The following HNF4G variants were observed in gnomAD, a reference collection of about 807,000 sequenced individuals.
The protein encoded by HNF4G is hepatocyte nuclear factor 4 gamma.
A neutral mutation model predicts 50.9 loss-of-function variants in HNF4G; 21 were observed. The ratio of observed to expected loss-of-function variants is 0.41; its 90% CI spans 0.29 to 0.59. The LOEUF is 0.59. Among genes scored for constraint, HNF4G ranks in the 20% least tolerant of loss-of-function variants. HNF4G has a pLI of 0.26. For synonymous variants in HNF4G, 198 were observed against 185.6 expected (o/e 1.07, Z -0.54); for missense variants, 527 against 559.4 (o/e 0.94, Z 0.58).
At chr8:75,560,966 T>C (rs1165890762) in intron 9 of HNF4G, among the ~76,000 whole-genome samples, 3 of 152,150 alleles carry the variant, frequency 2.0e-5, no homozygotes, top group Non-Finnish European at 2.9e-5. Context: ...ATTAGGAATA[T>C]TGACAATCGA....
intron 1 of HNF4G, 82 bp downstream of exon 1, chr8:75,540,162 G>T: frequency 1.2e-6 from 1 of 803,518 alleles, no homozygotes; most frequent in Non-Finnish European, 2.1e-6. Flanking sequence ...AAAGGTGGTG[G>T]CTCAATGTTT....
chr8:75,416,284 G>C (rs1741772463), intron 1 of HNF4G, among the ~76,000 whole-genome samples: 1 of 152,040 alleles, frequency 6.6e-6, no homozygotes, highest in Admixed American at 6.5e-5. Flanking sequence ...TCTGCATACG[G>C]CTGACATGCA....
At chr8:75,531,686 A>T (rs1806328663) in intron 2 of HNF4G, among the ~76,000 whole-genome samples, 1 of 152,116 alleles carries the variant, frequency 6.6e-6, no homozygotes, top group Admixed American at 6.5e-5. Flanking sequence ...AAAAATAATA[A>T]AATAATACAA....
At chr8:75,499,791 AC>A (rs1812875219) in intron 2 of HNF4G, among the ~76,000 whole-genome samples, 1 of 152,074 alleles carries the variant, frequency 6.6e-6, no homozygotes, top group South Asian at 2.1e-4. Context: ...CAAGTGAGAA[AC>A]AATAGTCTCT....
At chr8:75,533,645 A>G (rs1168986276) in intron 2 of HNF4G, among the ~76,000 whole-genome samples, 1 of 151,946 alleles carries the variant, frequency 6.6e-6, no homozygotes, top group Non-Finnish European at 1.5e-5. Flanking sequence ...TATTTTTGAG[A>G]AACCAACCAA....
rs1811162241 is a variant in HNF4G, at chr8:75,437,284, G to GC, written c.-144+29122_-144+29123insC. On this transcript the variant is annotated intron_variant, in intron 1 of 10. Coordinates refer to the HNF4G transcript ENST00000354370. ...CGCACGTATCTATAATTAGAGAAAA[G>GC]TAAGTTTAAACTGAAATTCTTGTGT... 2.0e-5 allele frequency among the ~76,000 whole-genome samples: 3 copies of GC among 152,184 alleles called. No individual in the cohort carries two copies. The East Asian group carries it at 5.8e-4, about 29-fold the overall frequency.
intron 2 of HNF4G, among the ~76,000 whole-genome samples, chr8:75,530,683 C>T (rs1235122070): frequency 1.3e-5 from 2 of 151,816 alleles, no homozygotes; most frequent in African/African-American, 4.8e-5. Flanking sequence ...AATTAGTGGT[C>T]CAGAAGGTGC....
At chr8:75,470,971 A>G (rs1169128227) in intron 1 of HNF4G, among the ~76,000 whole-genome samples, 3 of 152,146 alleles carry the variant, frequency 2.0e-5, no homozygotes, top group African/African-American at 7.2e-5. Flanking sequence ...TCACAACTGT[A>G]TGGCTTTTAA....
chr8:75,553,148 A>T lies in HNF4G; in HGVS notation c.596A>T (p.Glu199Val), dbSNP rs1048937632. The stretch of plus-strand genomic sequence containing the variant: ...AAACAGCAGCTCTTAGTCTTGGTGG[A>T]ATGGGCTAAATATATTCCTGCCTTC... ...SMKQQLLVLV[E>V]WAKYIPAFCE... Residue 199 changes from glutamate (E) to valine (V), a missense_variant, in exon 5 of 10, where the codon GAA (glutamate) becomes GTA (valine). Physicochemically the swap from Glu to Val is moderately radical, Grantham distance 121 (BLOSUM62 -2). Around this residue, in one of 5 missense-constraint regions of HNF4G, gnomAD observed 4 missense variants for 18.1 expected, o/e 0.22. Transcript: ENST00000396423. 7 of 1,613,052 alleles carry T rather than the reference A, an allele frequency of 4.3e-6. No individual in the cohort carries two copies. Among genetic ancestry groups the T allele is most frequent in the Non-Finnish European group, 5.9e-6 (7 of 1,179,368 alleles).
At chr8:75,483,408 A>G (rs1455956077) in intron 1 of HNF4G, among the ~76,000 whole-genome samples, 1 of 152,146 alleles carries the variant, frequency 6.6e-6, no homozygotes, top group Non-Finnish European at 1.5e-5. Flanking sequence ...AACATTAAGC[A>G]AGCAAAAGTG....
chr8:75,525,836 G>A (rs1375289184), intron 2 of HNF4G, among the ~76,000 whole-genome samples: 3 of 152,084 alleles, frequency 2.0e-5, no homozygotes, highest in Non-Finnish European at 4.4e-5. Flanking sequence ...GATTCCAAAG[G>A]AAAATTATAG....
At chr8:75,462,208 C>G (rs1286402613) in intron 1 of HNF4G, among the ~76,000 whole-genome samples, 2 of 152,078 alleles carry the variant, frequency 1.3e-5, no homozygotes, top group Non-Finnish European at 2.9e-5. Context: ...TGAGCCACTG[C>G]GACAGGCCTA....
chr8:75,451,995 T>A (rs1207001630), intron 1 of HNF4G, among the ~76,000 whole-genome samples: 1 of 152,102 alleles, frequency 6.6e-6, no homozygotes, highest in Non-Finnish European at 1.5e-5. Context: ...TTACTTCTGA[T>A]CCCATTCCAT....
At chr8:75,546,927 C>T (rs1264760839) in intron 2 of HNF4G, among the ~76,000 whole-genome samples, 1 of 152,126 alleles carries the variant, frequency 6.6e-6, no homozygotes, top group Non-Finnish European at 1.5e-5. Context: ...TTATGTTTAG[C>T]TTTTTAAGAC....
At chr8:75,562,550 C>G (rs920013768) in intron 9 of HNF4G, among the ~76,000 whole-genome samples, 21 of 152,078 alleles carry the variant, frequency 1.4e-4, no homozygotes, top group African/African-American at 5.1e-4. Context: ...TATTCATAAA[C>G]TCACAAAATA....
intron 2 of HNF4G, among the ~76,000 whole-genome samples, chr8:75,505,927 A>T (rs929712413): frequency 6.6e-6 from 1 of 151,852 alleles, no homozygotes; most frequent in Non-Finnish European, 1.5e-5. Context: ...CATTTTAATT[A>T]TTTTTTTTAA....
intron 1 of HNF4G, among the ~76,000 whole-genome samples, chr8:75,455,889 C>G (rs1013432100): frequency 6.6e-6 from 1 of 151,414 alleles, no homozygotes; most frequent in African/African-American, 2.4e-5. Context: ...CTCTGAATCA[C>G]AAAAAAAAGT....
At chr8:75,451,241 A>G (rs374554062) in intron 1 of HNF4G, among the ~76,000 whole-genome samples, 37 of 151,748 alleles carry the variant, frequency 2.4e-4, no homozygotes, top group African/African-American at 8.0e-4. Flanking sequence ...AGTTCCTTAC[A>G]TATTTTGTTG....
chr8:75,491,530 AGTGGTGC>A (rs1812629154), intron 2 of HNF4G, among the ~76,000 whole-genome samples: 1 of 151,164 alleles, frequency 6.6e-6, no homozygotes, highest in Non-Finnish European at 1.5e-5. Flanking sequence ...GCTGGAGTGT[AGTGGTGC>A]GATCTCCGCT....
Sources: allele counts gnomAD v4.1 joint callset (sites outside exome capture counted in the v4.1 genomes callset), GRCh38; gene constraint gnomAD v4.1.1; regional missense constraint gnomAD v4.1.1; transcripts MANE v1.5; gene names NCBI Gene and HGNC (gene_info 2026-07-23, HGNC 2026-07-21).